PPFIBP1: variants seen among roughly 807,000 people sequenced by gnomAD.
PPFIBP1 encodes the protein liprin-beta-1.
PPFIBP1 carries 112 observed loss-of-function variants against 137.8 expected under a neutral mutation model. That is an observed-to-expected ratio of 0.81 (90% CI 0.70 to 0.95). The LOEUF is 0.95. Ranked by LOEUF, PPFIBP1 falls within the 40% of genes least tolerant of loss-of-function variation. The pLI is 0.00. For synonymous variants in PPFIBP1, 378 were observed against 417.3 expected (o/e 0.91, Z 1.15); for missense variants, 1,083 against 1,196.6 (o/e 0.91, Z 1.40).
chr12:27,584,099 C>T (rs987515779), intron 2 of PPFIBP1: 1 of 152,208 alleles, frequency 6.6e-6, no homozygotes, highest in African/African-American at 2.4e-5. Flanking sequence ...AATACACAAC[C>T]TTGTTTTATG....
Position 27,695,097 on chromosome 12 carries a change from A to T in PPFIBP1, c.*2215A>T, listed in dbSNP as rs1246499567. 6.7e-6 allele frequency: 1 copy of T among 149,980 alleles called. No homozygotes were observed. The highest frequency in any genetic ancestry group is 1.9e-4 in the East Asian group (1 of 5,158). 9.3% of individuals were successfully genotyped at this position (149,980 alleles called of 1,614,324 possible). A position where few individuals can be genotyped will look rare whatever the true frequency, so the allele number is the denominator to read the frequency against. ...TTGTTCTTAGAACCTGGTTGAAAATACCAGGAAACTGTTACAGACGCCATT... is the reference window on the plus strand; with the variant it reads ...TTGTTCTTAGAACCTGGTTGAAAATTCCAGGAAACTGTTACAGACGCCATT... On this transcript the variant is annotated 3_prime_UTR_variant, in exon 30 of 30. Transcript: ENST00000228425.
chr12:27,649,790 G>A (rs867608441), intron 6 of PPFIBP1, among the ~76,000 whole-genome samples: 1 of 152,090 alleles, frequency 6.6e-6, no homozygotes, highest in African/African-American at 2.4e-5. Flanking sequence ...GACCTCAAGC[G>A]ATCTGCCTGC....
At chr12:27,604,219 G>A (rs1253413784) in intron 2 of PPFIBP1, among the ~76,000 whole-genome samples, 1 of 152,142 alleles carries the variant, frequency 6.6e-6, no homozygotes, top group African/African-American at 2.4e-5. Flanking sequence ...GGAGATAGGA[G>A]GTAGCCTACA....
At chr12:27,681,233 A>G (rs774522426) in intron 21 of PPFIBP1, among the ~76,000 whole-genome samples, 5 of 152,214 alleles carry the variant, frequency 3.3e-5, no homozygotes, top group Non-Finnish European at 7.3e-5. Context: ...TGGGAATCCA[A>G]TCTTCAAACA....
chr12:27,630,628 A>T (rs2057194539), intron 2 of PPFIBP1, among the ~76,000 whole-genome samples: 1 of 152,186 alleles, frequency 6.6e-6, no homozygotes, highest in Non-Finnish European at 1.5e-5. Flanking sequence ...TATTTTAAAA[A>T]ATTGTTATAT....
chr12:27,691,623 G>A, intron 27 of PPFIBP1, 126 bp from the exon 28 acceptor site: 1 of 634,832 alleles, frequency 1.6e-6, no homozygotes, highest in Non-Finnish European at 2.6e-6. Context: ...CTACCATGGG[G>A]TAAATAATTA....
chr12:27,557,925 T>A (rs1364389069), intron 1 of PPFIBP1, among the ~76,000 whole-genome samples: 1 of 152,242 alleles, frequency 6.6e-6, no homozygotes, highest in Non-Finnish European at 1.5e-5. Flanking sequence ...ATTCTCTAGT[T>A]TTGTTTCCTG....
chr12:27,636,105 A>C (rs1182639470), intron 4 of PPFIBP1: 1 of 152,168 alleles, frequency 6.6e-6, no homozygotes, highest in African/African-American at 2.4e-5. Context: ...AGTACATCCT[A>C]CAGCTAAAAC....
At chr12:27,545,375 A>C (rs1212475812) in intron 1 of PPFIBP1, among the ~76,000 whole-genome samples, 3 of 152,150 alleles carry the variant, frequency 2.0e-5, no homozygotes, top group African/African-American at 7.2e-5. Context: ...CCAGAACTTA[A>C]GTATAATAAG....
chr12:27,526,185 A>G (rs2135688203), intron 1 of PPFIBP1, among the ~76,000 whole-genome samples: 1 of 152,338 alleles, frequency 6.6e-6, no homozygotes, highest in South Asian at 2.1e-4. Flanking sequence ...CTGCATTTGT[A>G]ATACCAAAAG....
At position 27,692,612 on chromosome 12, in the gene PPFIBP1, G is replaced by A. The variant is rs774112297; in HGVS notation, c.2887G>A (p.Val963Met). The change falls in exon 29 of 30, where the codon GTG (valine) becomes ATG (methionine). Residue 963 changes from valine (V) to methionine (M), a missense_variant. Physicochemically the swap from Val to Met is conservative, Grantham distance 21. Transcript: ENST00000228425. ...LEQMEDSEGT[V>M]RQIGAFSEGI... ...GCAGATGGAAGATTCAGAAGGGACAGTGAGACAGATAGGTGCATTCTCTGA... is the reference window on the plus strand; with the variant it reads ...GCAGATGGAAGATTCAGAAGGGACAATGAGACAGATAGGTGCATTCTCTGA... The A allele has an allele frequency of 1.2e-6, 2 of 1,613,998 alleles. No individual in the cohort carries two copies. The highest frequency in any genetic ancestry group is 1.7e-5 in the Admixed American group (1 of 60,032).
At chr12:27,629,341 G>C (rs558649875) in intron 2 of PPFIBP1, among the ~76,000 whole-genome samples, 158 of 152,274 alleles carry the variant, frequency 1.0e-3, no homozygotes, top group African/African-American at 3.6e-3. Flanking sequence ...TTTGGCAAAT[G>C]TATAAACTTG....
intron 1 of PPFIBP1, among the ~76,000 whole-genome samples, chr12:27,558,476 A>ACC (rs2048884763): frequency 8.9e-6 from 1 of 112,852 alleles, no homozygotes; most frequent in African/African-American, 3.6e-5. Context: ...ATACACACAC[A>ACC]CACACACACA....
intron 2 of PPFIBP1, among the ~76,000 whole-genome samples, chr12:27,588,573 A>C (rs371843040): frequency 2.0e-5 from 3 of 152,306 alleles, no homozygotes; most frequent in African/African-American, 7.2e-5. Context: ...TTCCTTTCTG[A>C]GTGGGTATGC....
intron 2 of PPFIBP1, among the ~76,000 whole-genome samples, chr12:27,620,078 A>G (rs190387405): frequency 2.1e-4 from 32 of 151,576 alleles, no homozygotes; most frequent in Admixed American, 2.1e-3. Flanking sequence ...CCGAGCCACC[A>G]ATAGAACACC....
chr12:27,634,028 G>C (rs878953980), intron 3 of PPFIBP1, among the ~76,000 whole-genome samples: 1 of 151,320 alleles, frequency 6.6e-6, no homozygotes, highest in Non-Finnish European at 1.5e-5. Context: ...GTAGAGACAG[G>C]GTTTCACCAT....
intron 1 of PPFIBP1, among the ~76,000 whole-genome samples, chr12:27,535,156 C>A (rs1435394796): frequency 6.6e-6 from 1 of 152,094 alleles, no homozygotes; most frequent in Non-Finnish European, 1.5e-5. Context: ...TGTGTGACCC[C>A]TTATTCAAAA....
chr12:27,664,840 A>G (rs548704875), intron 12 of PPFIBP1, among the ~76,000 whole-genome samples: 1 of 152,316 alleles, frequency 6.6e-6, no homozygotes, highest in East Asian at 1.9e-4. Flanking sequence ...TGGTAGCGCA[A>G]GGGGTGGAGT....
chr12:27,527,205 A>G (rs944235720), intron 1 of PPFIBP1, among the ~76,000 whole-genome samples: 4 of 152,206 alleles, frequency 2.6e-5, no homozygotes, highest in African/African-American at 4.8e-5. Context: ...ATAATTTTCA[A>G]ACTGTTAACT....
Sources: allele counts gnomAD v4.1 joint callset (sites outside exome capture counted in the v4.1 genomes callset), GRCh38; gene constraint gnomAD v4.1.1; transcripts MANE v1.5; gene names NCBI Gene and HGNC (gene_info 2026-07-23, HGNC 2026-07-21).